Variants in CNTLN observed in about 807,000 individuals in gnomAD.
The protein encoded by CNTLN is centlein, also known as centlein, centrosomal protein.
CNTLN carries 212 observed loss-of-function variants against 180.0 expected under a neutral mutation model. That is an observed-to-expected ratio of 1.18 (90% CI 1.05 to 1.32). CNTLN has a LOEUF of 1.32. Ranked by LOEUF, CNTLN falls within the 40% of genes most tolerant of loss-of-function variation. CNTLN has a pLI of 0.00. For synonymous variants in CNTLN, 722 were observed against 563.1 expected (o/e 1.28, Z -3.99); for missense variants, 2,095 against 1,610.9 (o/e 1.30, Z -5.14).
At chr9:17,272,613 A>G (rs926527712) in intron 5 of CNTLN, among the ~76,000 whole-genome samples, 18 of 152,112 alleles carry the variant, frequency 1.2e-4, no homozygotes, top group African/African-American at 4.3e-4. Context: ...ATCAGATTGA[A>G]TCTTGAGATG....
At chr9:17,235,882 A>G (rs1370024763) in intron 4 of CNTLN, 90 bp downstream of exon 4, 1 of 1,419,884 alleles carries the variant, frequency 7.0e-7, no homozygotes, top group Non-Finnish European at 9.5e-7. Flanking sequence ...AAAGTGACAG[A>G]TTTGGAGGAA....
intron 2 of CNTLN, among the ~76,000 whole-genome samples, chr9:17,208,898 C>T (rs1437417460): frequency 1.3e-5 from 2 of 151,892 alleles, no homozygotes; most frequent in East Asian, 3.9e-4. Context: ...TGTATCTTTT[C>T]AAAAACCATC....
intron 2 of CNTLN, among the ~76,000 whole-genome samples, chr9:17,182,603 G>A (rs1038884114): frequency 1.3e-5 from 2 of 152,090 alleles, no homozygotes; most frequent in African/African-American, 4.8e-5. Flanking sequence ...ATTGAAGTAG[G>A]TAACTTGACA....
At chr9:17,143,161 G>C in intron 1 of CNTLN, 127 bp from the exon 2 acceptor site, 2 of 623,310 alleles carry the variant, frequency 3.2e-6, no homozygotes, top group East Asian at 2.8e-5. Context: ...CCTTTAAAGA[G>C]AATCAGTTGA....
chr9:17,495,897 C>T (rs1833428797), intron 25 of CNTLN, among the ~76,000 whole-genome samples: 1 of 152,082 alleles, frequency 6.6e-6, no homozygotes, highest in African/African-American at 2.4e-5. Flanking sequence ...ATTACATTTG[C>T]CTACAATATG....
At chr9:17,224,917 C>A (rs1824368646) in intron 2 of CNTLN, among the ~76,000 whole-genome samples, 1 of 151,874 alleles carries the variant, frequency 6.6e-6, no homozygotes, top group Non-Finnish European at 1.5e-5. Flanking sequence ...GGTCATATCT[C>A]AAGAGGGAAG....
At chr9:17,222,409 G>T (rs902658266) in intron 2 of CNTLN, among the ~76,000 whole-genome samples, 13 of 151,984 alleles carry the variant, frequency 8.6e-5, no homozygotes, top group Non-Finnish European at 1.3e-4. Context: ...TTATGGAAAG[G>T]ACCTAGTGGG....
chr9:17,177,535 C>T lies in CNTLN; in HGVS notation c.449+34159C>T, dbSNP rs190402872. Reference sequence around the variant, plus strand: ...TGGTGAGTGTCACAGTTCTTAAAGGCGGTGTGTCCGAAGTTTGTTCCTTCT... The same window carrying T: ...TGGTGAGTGTCACAGTTCTTAAAGGTGGTGTGTCCGAAGTTTGTTCCTTCT... On this transcript the variant is annotated intron_variant, in intron 2 of 25. Coordinates refer to ENST00000380647, the MANE Select transcript of CNTLN (RefSeq NM_017738.4). 3.4e-4 allele frequency among the ~76,000 whole-genome samples: 52 copies of T among 152,238 alleles called. 1 individual carries two copies. The highest frequency in any genetic ancestry group is 3.4e-3 in the Middle Eastern group (1 of 294).
At chr9:17,192,961 C>A (rs1183102529) in intron 2 of CNTLN, among the ~76,000 whole-genome samples, 1 of 151,880 alleles carries the variant, frequency 6.6e-6, no homozygotes, top group Non-Finnish European at 1.5e-5. Flanking sequence ...TGGTGGGAGG[C>A]AAAAGGCACT....
chr9:17,171,800 C>G (rs1468032298), intron 2 of CNTLN, among the ~76,000 whole-genome samples: 1 of 151,980 alleles, frequency 6.6e-6, no homozygotes, highest in South Asian at 2.1e-4. Flanking sequence ...GAGCCAGGGT[C>G]CAAAGTGTGG....
chr9:17,378,919 A>G (rs1350511795), intron 13 of CNTLN, among the ~76,000 whole-genome samples: 1 of 152,036 alleles, frequency 6.6e-6, no homozygotes, highest in African/African-American at 2.4e-5. Flanking sequence ...TGCCTGAAGG[A>G]CTTCTTTAAT....
intron 23 of CNTLN, among the ~76,000 whole-genome samples, chr9:17,467,096 A>G (rs1224926539): frequency 6.6e-6 from 1 of 151,572 alleles, no homozygotes; most frequent in Admixed American, 6.6e-5. Flanking sequence ...CTACCATCTT[A>G]TTAATATTTC....
intron 14 of CNTLN, among the ~76,000 whole-genome samples, 177 bp from the exon 15 acceptor site, chr9:17,394,357 T>A: frequency 6.6e-6 from 1 of 152,188 alleles, no homozygotes; most frequent in East Asian, 1.9e-4. Flanking sequence ...ACAGATACAT[T>A]ATTGCATTTT....
chr9:17,195,694 C>A (rs1822086752), intron 2 of CNTLN, among the ~76,000 whole-genome samples: 1 of 152,068 alleles, frequency 6.6e-6, no homozygotes, highest in Non-Finnish European at 1.5e-5. Flanking sequence ...AAAAGATAGC[C>A]CTTTTTGTGA....
chr9:17,359,673 A>G (rs1186572414), intron 12 of CNTLN, among the ~76,000 whole-genome samples: 1 of 144,214 alleles, frequency 6.9e-6, no homozygotes, highest in African/African-American at 2.5e-5. Flanking sequence ...CGAGGTCCGG[A>G]GATCAAAACC....
At position 17,411,800 on chromosome 9, in the gene CNTLN, C is replaced by T. The variant is rs112016484; in HGVS notation, c.2796+2327C>T. Among the ~76,000 whole-genome samples the T allele has an allele frequency of 4.2e-3, 642 of 152,182 alleles. 4 individuals are homozygous for T. The highest frequency in any genetic ancestry group is 0.01 in the Middle Eastern group (3 of 294). The stretch of plus-strand genomic sequence containing the variant: ...TCCACCTCCCCGACCCACTCCACCC[C>T]CTATCCATGCAAAAATTTTCTTCCA... On this transcript the variant is annotated intron_variant, in intron 16 of 25. Transcript: ENST00000380647.
intron 1 of CNTLN, among the ~76,000 whole-genome samples, chr9:17,135,849 C>G (rs758333462): frequency 5.9e-5 from 9 of 152,146 alleles, no homozygotes; most frequent in Non-Finnish European, 1.3e-4. Context: ...GATGAAGGAG[C>G]CTGTTTTTAA....
At chr9:17,199,952 A>G (rs1001901741) in intron 2 of CNTLN, among the ~76,000 whole-genome samples, 2 of 152,216 alleles carry the variant, frequency 1.3e-5, no homozygotes, top group African/African-American at 4.8e-5. Flanking sequence ...GTTTTCTTCT[A>G]GGGTTTTTAT....
rs1440369054 is a variant in CNTLN, at chr9:17,353,896, G to A, written c.1886+11452G>A. Reference sequence around the variant, plus strand: ...GGGAGCCCCTTTCTGGGCTGGCCAAGGCTGGAGCCCACTCCCTCAGCTTAC... The same window carrying A: ...GGGAGCCCCTTTCTGGGCTGGCCAAAGCTGGAGCCCACTCCCTCAGCTTAC... On this transcript the variant is annotated intron_variant, in intron 12 of 25. Coordinates refer to ENST00000380647, the MANE Select transcript of CNTLN (RefSeq NM_017738.4). Among the ~76,000 whole-genome samples, 7 of 152,202 alleles carry A rather than the reference G, an allele frequency of 4.6e-5. No homozygotes were observed. The East Asian group carries it at 5.8e-4, about 13-fold the overall frequency.
Sources: allele counts gnomAD v4.1 joint callset (sites outside exome capture counted in the v4.1 genomes callset), GRCh38; gene constraint gnomAD v4.1.1; transcripts MANE v1.5; gene names NCBI Gene and HGNC (gene_info 2026-07-23, HGNC 2026-07-21).